Variants in SLC35F4 observed in about 807,000 individuals in gnomAD.
SLC35F4 encodes the protein chromosome 14 open reading frame 36.
Under a neutral mutation model 44.2 loss-of-function variants are expected in SLC35F4, and 24 were observed. The observed-to-expected ratio is 0.54, with a 90% CI of 0.39 to 0.76. SLC35F4 has a LOEUF of 0.76. SLC35F4 is among the 30% of genes least tolerant of loss of function. SLC35F4 has a pLI of 0.00. For synonymous variants in SLC35F4, 238 were observed against 223.6 expected, an observed-to-expected ratio of 1.06 and a Z score of -0.57; for missense variants, 562 against 586.1, an observed-to-expected ratio of 0.96 and a Z score of 0.42.
intron 1 of SLC35F4, among the ~76,000 whole-genome samples, chr14:57,797,875 C>T (rs1265761437): frequency 6.6e-6 from 1 of 152,054 alleles, no homozygotes; most frequent in African/African-American, 2.4e-5. Context: ...GACTTGGCCA[C>T]GTGACTCACT....
At chr14:57,925,873 G>A (rs1889559889) in intron 1 of SLC35F4, among the ~76,000 whole-genome samples, 1 of 152,074 alleles carries the variant, frequency 6.6e-6, no homozygotes, top group South Asian at 2.1e-4. Context: ...TCTTCCTCGT[G>A]TATCTCAGCC....
At chr14:57,937,029 A>G (rs966319466) in intron 1 of SLC35F4, among the ~76,000 whole-genome samples, 2 of 151,024 alleles carry the variant, frequency 1.3e-5, no homozygotes, top group African/African-American at 2.4e-5. Context: ...TTAGCCTTAC[A>G]TTTAGCAGCA....
At chr14:57,895,284 T>A (rs1888848476) in intron 1 of SLC35F4, among the ~76,000 whole-genome samples, 1 of 152,128 alleles carries the variant, frequency 6.6e-6, no homozygotes, top group Non-Finnish European at 1.5e-5. Context: ...CTCCATGTAT[T>A]ATTATTTTAG....
In SLC35F4 at chr14:57,589,437, C is replaced by T. The variant is rs1466973964; in HGVS notation, c.366G>A (p.Thr122=). The T allele has an allele frequency of 5.6e-6, 9 of 1,613,912 alleles. No individual in the cohort carries two copies. Among genetic ancestry groups the T allele is most frequent in the Middle Eastern group, 1.6e-4 (1 of 6,062 alleles). The change falls in exon 3 of 8, where the codon ACG becomes ACA. Residue 122 remains threonine, a synonymous_variant. Coordinates refer to ENST00000556826, the MANE Select transcript of SLC35F4 (RefSeq NM_001306087.2). ...NRIKARCLSC[T]SMVLKGIWGL... Reference sequence around the variant, plus strand: ...CCCAGATGCCCTTCAGAACCATGGACGTGCAGGACAGGCAGCGAGCCTTGA... The same window carrying T: ...CCCAGATGCCCTTCAGAACCATGGATGTGCAGGACAGGCAGCGAGCCTTGA...
At chr14:57,931,237 G>T (rs1226756491) in intron 1 of SLC35F4, among the ~76,000 whole-genome samples, 1 of 152,150 alleles carries the variant, frequency 6.6e-6, no homozygotes, top group Non-Finnish European at 1.5e-5. Context: ...TTCATGGATG[G>T]CCACTTGACA....
intron 2 of SLC35F4, among the ~76,000 whole-genome samples, chr14:57,592,456 A>C (rs1174730881): frequency 6.6e-6 from 1 of 152,172 alleles, no homozygotes; most frequent in Non-Finnish European, 1.5e-5. Context: ...CTTATGTTCC[A>C]GATGATCTTT....
In SLC35F4 at chr14:57,589,472, C is replaced by G. The variant is rs1485183182; in HGVS notation, c.331G>C (p.Glu111Gln). The change falls in exon 3 of 8, where the codon GAA becomes CAA. Residue 111 changes from glutamate to glutamine, a missense_variant. Glu to Gln is a conservative substitution (Grantham distance 29). Transcript: ENST00000556826. ...TQTHSENSSQENRIKARCLSC... is the reference protein window; with the variant it reads ...TQTHSENSSQQNRIKARCLSC... Reference sequence around the variant, plus strand: ...AGGCAGCGAGCCTTGATTCTGTTTTCTTGGCTGCTGTTCTCAGAATGAGTC... The same window carrying G: ...AGGCAGCGAGCCTTGATTCTGTTTTGTTGGCTGCTGTTCTCAGAATGAGTC... The G allele has an allele frequency of 6.2e-7, 1 of 1,613,586 alleles. No homozygotes were observed. The highest frequency in any genetic ancestry group is 1.3e-5 in the African/African-American group (1 of 75,042).
chr14:57,790,699 C>CA (rs2077895716), intron 1 of SLC35F4, among the ~76,000 whole-genome samples: 2 of 151,954 alleles, frequency 1.3e-5, no homozygotes, highest in Admixed American at 6.6e-5. Flanking sequence ...GCGAAAAGAA[C>CA]AAGCTGGAGG....
intron 1 of SLC35F4, among the ~76,000 whole-genome samples, chr14:57,933,001 C>A (rs1485222888): frequency 2.0e-5 from 3 of 151,744 alleles, no homozygotes; most frequent in Admixed American, 2.0e-4. Flanking sequence ...CTGAAATCAA[C>A]CTCGGAAGGT....
chr14:57,629,119 C>G (rs1177522613), intron 1 of SLC35F4, among the ~76,000 whole-genome samples: 1 of 152,078 alleles, frequency 6.6e-6, no homozygotes, highest in African/African-American at 2.4e-5. Flanking sequence ...AATTATTTGT[C>G]TTGTTCTCAG....
chr14:57,956,478 G>A (rs542486881), intron 1 of SLC35F4, among the ~76,000 whole-genome samples: 27 of 152,234 alleles, frequency 1.8e-4, no homozygotes, highest in Middle Eastern at 6.8e-3. Flanking sequence ...CACAGCAAAA[G>A]AAACTATCAT....
chr14:57,646,508 CT>C (rs1229873947), intron 1 of SLC35F4, among the ~76,000 whole-genome samples: 1 of 152,094 alleles, frequency 6.6e-6, no homozygotes, highest in African/African-American at 2.4e-5. Context: ...TTTGATTCTT[CT>C]GTCTTTTCTT....
At chr14:57,877,789 A>G (rs1340686136) in intron 1 of SLC35F4, among the ~76,000 whole-genome samples, 1 of 135,550 alleles carries the variant, frequency 7.4e-6, no homozygotes, top group African/African-American at 2.9e-5. Context: ...GGTTCAAGCT[A>G]TTCTTCTCTC....
intron 1 of SLC35F4, among the ~76,000 whole-genome samples, chr14:57,607,537 A>C (rs1229599895): frequency 6.6e-6 from 1 of 152,168 alleles, no homozygotes; most frequent in Non-Finnish European, 1.5e-5. Flanking sequence ...CCAGCTCCAC[A>C]CTCATAGAAG....
At chr14:57,650,794 CCTT>C (rs554343255) in intron 1 of SLC35F4, among the ~76,000 whole-genome samples, 150 of 152,282 alleles carry the variant, frequency 9.9e-4, no homozygotes, top group African/African-American at 3.5e-3. Context: ...TCATGGCCCT[CCTT>C]CTTTCACTCA....
intron 1 of SLC35F4, among the ~76,000 whole-genome samples, chr14:57,946,519 G>A (rs1330935047): frequency 2.2e-5 from 3 of 135,370 alleles, no homozygotes; most frequent in Admixed American, 8.1e-5. Flanking sequence ...CTGTCACCCA[G>A]GTTGGAGTGC....
intron 1 of SLC35F4, among the ~76,000 whole-genome samples, chr14:57,829,340 T>C (rs569055503): frequency 6.6e-6 from 1 of 152,286 alleles, no homozygotes; most frequent in South Asian, 2.1e-4. Flanking sequence ...AAGGGAACTA[T>C]GCAGAGATGT....
intron 4 of SLC35F4, among the ~76,000 whole-genome samples, chr14:57,580,025 G>A (rs1423020023): frequency 1.3e-5 from 2 of 152,148 alleles, no homozygotes; most frequent in African/African-American, 4.8e-5. Flanking sequence ...GCCCTTTGGG[G>A]TCAAATCTAA....
At chr14:57,835,302 T>C (rs1884807293) in intron 1 of SLC35F4, among the ~76,000 whole-genome samples, 1 of 152,204 alleles carries the variant, frequency 6.6e-6, no homozygotes, top group Non-Finnish European at 1.5e-5. Context: ...GTCCTTGCAG[T>C]TCACAAGCTG....
Sources: allele counts gnomAD v4.1 joint callset (sites outside exome capture counted in the v4.1 genomes callset), GRCh38; gene constraint gnomAD v4.1.1; transcripts MANE v1.5; gene names NCBI Gene and HGNC (gene_info 2026-07-23, HGNC 2026-07-21).